The following HIBADH variants were observed in gnomAD, a reference collection of about 807,000 sequenced individuals.
HIBADH encodes the protein 3-hydroxyisobutyrate dehydrogenase, mitochondrial.
A neutral mutation model predicts 36.1 loss-of-function variants in HIBADH; 25 were observed. That is an observed-to-expected ratio of 0.69 (90% confidence interval 0.50 to 0.97). HIBADH has a LOEUF of 0.97. Ranked by LOEUF, HIBADH falls within the 50% of genes least tolerant of loss-of-function variation. HIBADH has a pLI of 0.00. For missense variants in HIBADH, 421 were observed against 418.0 expected (o/e 1.01, Z -0.06); for synonymous variants, 160 against 149.5 (o/e 1.07, Z -0.51).
At chr7:27,651,323 T>C (rs1036597974) in intron 1 of HIBADH, among the ~76,000 whole-genome samples, 14 of 152,196 alleles carry the variant, frequency 9.2e-5, no homozygotes, top group African/African-American at 3.4e-4. Flanking sequence ...CTGTGCAACA[T>C]CATTTAACAG....
chr7:27,539,823 A>AT (rs1784121796), intron 5 of HIBADH, among the ~76,000 whole-genome samples: 1 of 152,210 alleles, frequency 6.6e-6, no homozygotes, highest in Admixed American at 6.5e-5. Context: ...TATATGTATT[A>AT]TATATTGTAT....
chr7:27,624,126 T>C (rs1785596970), intron 4 of HIBADH, among the ~76,000 whole-genome samples: 2 of 152,108 alleles, frequency 1.3e-5, no homozygotes, highest in Admixed American at 6.6e-5. Flanking sequence ...AATGACCATA[T>C]TGCCAACAGC....
At chr7:27,635,756 T>G (rs1785828685) in intron 2 of HIBADH, among the ~76,000 whole-genome samples, 1 of 152,182 alleles carries the variant, frequency 6.6e-6, no homozygotes, top group Non-Finnish European at 1.5e-5. Context: ...TGGCTGACTC[T>G]GGGACATGGC....
intron 4 of HIBADH, among the ~76,000 whole-genome samples, chr7:27,621,584 C>T (rs754289925): frequency 2.0e-5 from 3 of 151,610 alleles, no homozygotes; most frequent in East Asian, 2.0e-4. Context: ...TTGAGGTCAG[C>T]GGTTTGAGAC....
rs1364901379 is a variant in HIBADH, at chr7:27,649,649, T to G, written c.92-16A>C. ...CTAGAACACACTGATTTCAATACAT[T>G]ATTTTCAATAGGGGCAAATAACATT... On this transcript the variant is annotated splice_polypyrimidine_tract_variant and intron_variant, in intron 1 of 7. Coordinates refer to ENST00000265395, the MANE Select transcript of HIBADH (RefSeq NM_152740.4). 4.5e-6 allele frequency: 7 copies of G among 1,553,696 alleles called. No homozygotes were observed. The highest frequency in any genetic ancestry group is 6.1e-6 in the Non-Finnish European group (7 of 1,146,610).
rs191690067 is a variant in HIBADH at position 27,649,899 on chromosome 7, A to C, written c.92-266T>G. ...AATAATAATATTTATTAAAAAAAAA[A>C]CCCACTAACTTTTAAAAGGCAAATT... is the stretch of plus-strand genomic sequence containing the variant. On this transcript the variant is annotated intron_variant, in intron 1 of 7. Transcript: ENST00000265395. 4.2e-3 allele frequency among the ~76,000 whole-genome samples: 634 copies of C among 151,672 alleles called. 4 individuals carry two copies. The highest frequency in any genetic ancestry group is 0.02 in the Middle Eastern group (6 of 294).
intron 4 of HIBADH, among the ~76,000 whole-genome samples, chr7:27,567,168 T>A (rs1784558334): frequency 6.6e-6 from 1 of 152,174 alleles, no homozygotes; most frequent in Admixed American, 6.5e-5. Flanking sequence ...TCATTTCTCC[T>A]TTTCATTCTG....
At chr7:27,616,123 G>C (rs533071278) in intron 4 of HIBADH, among the ~76,000 whole-genome samples, 1 of 152,282 alleles carries the variant, frequency 6.6e-6, no homozygotes, top group Admixed American at 6.5e-5. Context: ...AAGTGAAGGG[G>C]AGCCAGCACG....
chr7:27,547,026 A>G (rs1784244051), intron 4 of HIBADH, among the ~76,000 whole-genome samples: 1 of 152,116 alleles, frequency 6.6e-6, no homozygotes, highest in Non-Finnish European at 1.5e-5. Flanking sequence ...CCCTATTCCC[A>G]ACCCTCCAAA....
At chr7:27,657,036 G>A (rs1360949966) in intron 1 of HIBADH, among the ~76,000 whole-genome samples, 1 of 152,146 alleles carries the variant, frequency 6.6e-6, no homozygotes, top group African/African-American at 2.4e-5. Flanking sequence ...CAAATGACTG[G>A]TTCAGGAGCT....
intron 1 of HIBADH, among the ~76,000 whole-genome samples, chr7:27,660,479 T>C (rs936095559): frequency 2.0e-5 from 3 of 152,284 alleles, no homozygotes; most frequent in Admixed American, 1.3e-4. Flanking sequence ...CTGGCTAACA[T>C]GGTGAAACCC....
At chr7:27,574,696 TGAAAA>T (rs1784683358) in intron 4 of HIBADH, among the ~76,000 whole-genome samples, 1 of 152,168 alleles carries the variant, frequency 6.6e-6, no homozygotes, top group Admixed American at 6.5e-5. Flanking sequence ...AACTAATACT[TGAAAA>T]GAGCCCCCAA....
At chr7:27,632,201 C>A in intron 3 of HIBADH, 135 bp downstream of exon 3, 1 of 593,534 alleles carries the variant, frequency 1.7e-6, no homozygotes. Flanking sequence ...AGAAAACCAC[C>A]ACACTATTCA....
chr7:27,648,166 T>A (rs1188245594), intron 2 of HIBADH, among the ~76,000 whole-genome samples: 1 of 152,216 alleles, frequency 6.6e-6, no homozygotes, highest in Non-Finnish European at 1.5e-5. Flanking sequence ...TCACCATCTC[T>A]GAAGATGGTA....
intron 4 of HIBADH, among the ~76,000 whole-genome samples, chr7:27,566,272 C>A (rs760261411): frequency 2.0e-5 from 3 of 151,708 alleles, no homozygotes; most frequent in African/African-American, 7.3e-5. Flanking sequence ...GAATTCATCA[C>A]AAAAAAACAT....
At chr7:27,553,806 C>T (rs189771113) in intron 4 of HIBADH, among the ~76,000 whole-genome samples, 169 of 152,176 alleles carry the variant, frequency 1.1e-3, no homozygotes, top group Non-Finnish European at 1.5e-3. Context: ...TTTAAAACTC[C>T]GTCTTGCAAA....
At chr7:27,530,910 T>C (rs1353272167) in intron 7 of HIBADH, among the ~76,000 whole-genome samples, 2 of 151,938 alleles carry the variant, frequency 1.3e-5, no homozygotes, top group Admixed American at 1.3e-4. Flanking sequence ...TTTTACCGGC[T>C]CATATAAATA....
chr7:27,558,458 G>C (rs1784424350), intron 4 of HIBADH, among the ~76,000 whole-genome samples: 1 of 152,058 alleles, frequency 6.6e-6, no homozygotes, highest in Non-Finnish European at 1.5e-5. Context: ...CTCCCAAATA[G>C]CTGGGACCAC....
chr7:27,632,977 T>G (rs1208721915), intron 2 of HIBADH, among the ~76,000 whole-genome samples: 1 of 150,484 alleles, frequency 6.6e-6, no homozygotes, highest in Non-Finnish European at 1.5e-5. Flanking sequence ...AAGAAAAGTC[T>G]GTTTCAGAAA....
Sources: gnomAD v4.1 joint callset for allele counts (sites outside exome capture counted in the v4.1 genomes callset) on GRCh38, gnomAD v4.1.1 for gene constraint, MANE v1.5 for transcripts, NCBI Gene and HGNC (gene_info 2026-07-23, HGNC 2026-07-21) for gene names.